CACNA2D4: variants seen among roughly 807,000 people sequenced by gnomAD.
The protein encoded by CACNA2D4 is voltage-dependent calcium channel subunit alpha-2/delta-4.
In CACNA2D4, 157 loss-of-function variants were observed where a neutral mutation model predicts 163.8. The ratio of observed to expected loss-of-function variants is 0.96; its 90% confidence interval spans 0.84 to 1.09. The LOEUF (loss-of-function observed/expected upper bound fraction) is 1.09, where lower values mean the gene tolerates loss of function less well. Among genes scored for constraint, CACNA2D4 ranks in the 50% least tolerant of loss-of-function variants. The pLI, the probability that CACNA2D4 is intolerant of heterozygous loss-of-function variation, is 0.00. For missense variants in CACNA2D4, 1,410 were observed against 1,479.9 expected (o/e 0.95, Z 0.78); for synonymous variants, 598 against 586.9 (o/e 1.02, Z -0.27).
chr12:1,825,754 T>A (rs10491960), intron 26 of CACNA2D4, among the ~76,000 whole-genome samples: 1 of 151,956 alleles, frequency 6.6e-6, no homozygotes, highest in Non-Finnish European at 1.5e-5. Context: ...CACACGTAAG[T>A]ATCTCCCTGA....
chr12:1,895,300 C>T (rs982150926), intron 6 of CACNA2D4, among the ~76,000 whole-genome samples: 39 of 151,888 alleles, frequency 2.6e-4, no homozygotes, highest in African/African-American at 8.5e-4. Context: ...CCATACTGCC[C>T]AAAGCAATCT....
intron 37 of CACNA2D4, 129 bp downstream of exon 37, chr12:1,795,170 C>T (rs1863075859): frequency 1.4e-6 from 1 of 725,084 alleles, no homozygotes; most frequent in East Asian, 2.7e-5. Flanking sequence ...GAATGTTTCC[C>T]CCGAGAAGCA....
chr12:1,874,772 C>T lies in CACNA2D4; in HGVS notation c.1807-97G>A. ...CCAGATTAGAGGTGATCCCCAGAAA[C>T]ACTTTTGGTTCTTCCCTTTTTCCTC... On this transcript the variant is annotated intron_variant, in intron 17 of 37. Transcript: ENST00000382722. This position sits in a 1 kb window ranked among gnomAD's most constrained non-coding sequence, Gnocchi z 4.4. The T allele has an allele frequency of 2.2e-6, 2 of 891,682 alleles. No individual in the cohort carries two copies. The highest frequency in any genetic ancestry group is 3.7e-6 in the Non-Finnish European group (2 of 537,742). The allele number at this position is 891,682 out of a possible 1,614,324, so 55.2% of individuals were successfully genotyped here. A position where few individuals can be genotyped will look rare whatever the true frequency, so the allele number is the denominator to read the frequency against.
At position 1,826,480 on chromosome 12, in the gene CACNA2D4, G is replaced by T. The variant is rs959688465; in HGVS notation, c.2551+14259C>A. Among the ~76,000 whole-genome samples the T allele has an allele frequency of 1.7e-4, 22 of 127,638 alleles. 1 individual carries two copies. Among genetic ancestry groups the T allele is most frequent in the African/African-American group, 5.1e-4 (18 of 35,300 alleles). 83.7% of individuals were successfully genotyped at this position (127,638 alleles called of 152,430 possible). ...AGACAGTGGTTAGAGAACCATGACA[G>T]CACCACGCTCAGGGGCTCCTCCACC... On this transcript the variant is annotated intron_variant, in intron 26 of 37. Transcript: ENST00000382722.
Position 1,799,825 on chromosome 12 carries a change from C to T in CACNA2D4, c.2975-130G>A, listed in dbSNP as rs1432177402. The T allele has an allele frequency of 3.0e-6, 4 of 1,333,022 alleles. No individual in the cohort carries two copies. In the African/African-American group the frequency reaches 5.8e-5, roughly 19 times the overall value. The allele number at this position is 1,333,022 out of a possible 1,614,324, so 82.6% of individuals were successfully genotyped here. A position where few individuals can be genotyped will look rare whatever the true frequency, so the allele number is the denominator to read the frequency against. On this transcript the variant is annotated intron_variant, in intron 33 of 37. Transcript: ENST00000382722. This position sits in a 1 kb window ranked among gnomAD's most constrained non-coding sequence, Gnocchi z 4.7. ...CGGTGTCCCAAGATGATGTCACACACAGAGCCAGGAGTGAGGGATGTGATG... is the reference window on the plus strand; with the variant it reads ...CGGTGTCCCAAGATGATGTCACACATAGAGCCAGGAGTGAGGGATGTGATG...
intron 22 of CACNA2D4, 49 bp downstream of exon 22, chr12:1,855,963 T>A (rs1865389111): frequency 6.8e-7 from 1 of 1,472,018 alleles, no homozygotes; most frequent in African/African-American, 1.4e-5. Context: ...AGTCCTGAAC[T>A]TCAGGGCCCC....
In CACNA2D4 at chr12:1,843,222, G is replaced by A. The variant is rs571123186; in HGVS notation, c.2470+1180C>T. Among the ~76,000 whole-genome samples, 1 of 152,336 alleles carries A rather than the reference G, an allele frequency of 6.6e-6. No individual in the cohort carries two copies. The highest frequency in any genetic ancestry group is 2.1e-4 in the South Asian group (1 of 4,830). ...TGAGGAAGGCGGGATTCCGGAGGGG[G>A]CGGGGTGGAGCTCCTCCCTGCTGTT... On this transcript the variant is annotated intron_variant, in intron 25 of 37. Coordinates refer to ENST00000382722, the MANE Select transcript of CACNA2D4 (RefSeq NM_172364.5). This position sits in a 1 kb window ranked among gnomAD's most constrained non-coding sequence, Gnocchi z 4.6.
Position 1,828,971 on chromosome 12 carries a change from G to A in CACNA2D4, c.2551+11768C>T, listed in dbSNP as rs11061992. ...CAGGGAGGAAACGGTCCCGCGGGAC[G>A]GCATTCCGCCTGACTTCCCGCTCTG... On this transcript the variant is annotated intron_variant, in intron 26 of 37. Transcript: ENST00000382722. This position sits in a 1 kb window ranked among gnomAD's most constrained non-coding sequence, Gnocchi z 4.2. Among the ~76,000 whole-genome samples the A allele has an allele frequency of 9.0e-4, 137 of 152,318 alleles. No individual in the cohort carries two copies. Among genetic ancestry groups the A allele is most frequent in the Admixed American group, 1.8e-3 (28 of 15,302 alleles).
intron 1 of CACNA2D4, 112 bp downstream of exon 1, chr12:1,918,135 C>G: frequency 5.1e-6 from 4 of 784,902 alleles, no homozygotes; most frequent in Non-Finnish European, 8.5e-6. Context: ...TGGGGAAAAG[C>G]CCAGAGGGAG....
intron 23 of CACNA2D4, among the ~76,000 whole-genome samples, chr12:1,847,370 G>A (rs1865169204): frequency 6.6e-6 from 1 of 152,226 alleles, no homozygotes; most frequent in South Asian, 2.1e-4. Flanking sequence ...GCCCAAGGGT[G>A]TGTGCTATAG....
At chr12:1,859,751 T>C (rs902327817) in intron 19 of CACNA2D4, among the ~76,000 whole-genome samples, 6 of 152,040 alleles carry the variant, frequency 3.9e-5, no homozygotes, top group African/African-American at 9.7e-5. Context: ...AAGCAGGGAG[T>C]GCTGGACCTC....
rs1592641956 is a variant in CACNA2D4, at chr12:1,793,355, G to C, written c.*300C>G. ...ACTAAATTATTTTGTCTTGGTCCAA[G>C]CTGAGCTCACGCTGGCTTCCCGAAG... is the stretch of plus-strand genomic sequence containing the variant. On this transcript the variant is annotated 3_prime_UTR_variant, in exon 38 of 38. Transcript: ENST00000382722. 3 of 481,298 alleles carry C rather than the reference G, an allele frequency of 6.2e-6. No homozygotes were observed. Among genetic ancestry groups the C allele is most frequent in the African/African-American group, 3.9e-5 (2 of 51,686 alleles). 29.8% of individuals were successfully genotyped at this position (481,298 alleles called of 1,614,324 possible).
chr12:1,819,580 G>A (rs1208917195), intron 26 of CACNA2D4, among the ~76,000 whole-genome samples: 1 of 152,200 alleles, frequency 6.6e-6, no homozygotes, highest in Non-Finnish European at 1.5e-5. Flanking sequence ...GGGGGATTTA[G>A]GGTTCGTGCT....
chr12:1,825,732 C>T (rs1277362273), intron 26 of CACNA2D4, among the ~76,000 whole-genome samples: 1 of 152,184 alleles, frequency 6.6e-6, no homozygotes, highest in Non-Finnish European at 1.5e-5. Context: ...TGTGTGTGTG[C>T]CCTGCTCTGT....
At position 1,878,327 on chromosome 12, in the gene CACNA2D4, G is replaced by A. The variant is rs990661571; in HGVS notation, c.1707C>T (p.Asp569=). ...TNNGYILSHP[D]LRPLYREGKK... is the part of the protein sequence containing the mutation. ...GATCTGTACCTACCAGGGGCCGGAG[G>A]TCGGGATGGGAGAGGATGTAGCCAT... Residue 569 remains aspartate, a synonymous_variant, in exon 16 of 38, where the codon GAC becomes GAT. Transcript: ENST00000382722. This position sits in a 1 kb window ranked among gnomAD's most constrained non-coding sequence, Gnocchi z 4.6. 2 of 1,609,750 alleles carry A rather than the reference G, an allele frequency of 1.2e-6. No homozygotes were observed. The highest frequency in any genetic ancestry group is 1.7e-6 in the Non-Finnish European group (2 of 1,178,292).
chr12:1,908,983 A>G (rs8181666), intron 4 of CACNA2D4, among the ~76,000 whole-genome samples: 134,487 of 146,894 alleles, frequency 0.92, 61,748 homozygotes, highest in East Asian at 1. Context: ...TTCCACGCAT[A>G]CTCCCAGCCG....
chr12:1,890,715 C>T (rs1416239269), intron 6 of CACNA2D4, among the ~76,000 whole-genome samples: 4 of 152,234 alleles, frequency 2.6e-5, no homozygotes, highest in Non-Finnish European at 5.9e-5. Context: ...GTCTGCATGC[C>T]CCAGCAGAGG....
chr12:1,911,021 A>ATTTTTT (rs374264665), intron 3 of CACNA2D4, among the ~76,000 whole-genome samples: 1 of 133,480 alleles, frequency 7.5e-6, no homozygotes. Flanking sequence ...CCGCAATACA[A>ATTTTTT]TTTTTTTTTT....
At position 1,907,963 on chromosome 12, in the gene CACNA2D4, G is replaced by C. The variant is rs373745283; in HGVS notation, c.561C>G (p.Phe187Leu). ...KGNFVELGAE[F>L]LLESNAHFSN... is the part of the protein sequence containing the mutation. ...TGAAGTGAGCATTGGACTCCAGGAG[G>C]AACTCGGCGCCCAGCTCCACGAAGT... The change falls in exon 5 of 38, where the codon TTC (phenylalanine) becomes TTG (leucine). Residue 187 changes from phenylalanine to leucine, a missense_variant. Transcript: ENST00000382722. 11 of 1,613,934 alleles carry C rather than the reference G, an allele frequency of 6.8e-6. No individual in the cohort carries two copies. Among genetic ancestry groups the C allele is most frequent in the Non-Finnish European group, 9.3e-6 (11 of 1,179,882 alleles).
Sources: gnomAD v4.1 joint callset for allele counts (sites outside exome capture counted in the v4.1 genomes callset) on GRCh38, gnomAD v4.1.1 for gene constraint, Gnocchi (gnomAD v3.1) non-coding constraint, MANE v1.5 for transcripts, NCBI Gene and HGNC (gene_info 2026-07-23, HGNC 2026-07-21) for gene names.